SUSD2: variants seen among roughly 807,000 people sequenced by gnomAD.
The protein encoded by SUSD2 is sushi domain containing 2.
Under a neutral mutation model 93.8 loss-of-function variants are expected in SUSD2, and 86 were observed. The ratio of observed to expected loss-of-function variants is 0.92; its 90% confidence interval spans 0.77 to 1.10. The LOEUF is 1.10. Ranked by LOEUF, SUSD2 falls within the 50% of genes least tolerant of loss-of-function variation. The pLI, the probability that SUSD2 is intolerant of heterozygous loss-of-function variation, is 0.00. For missense variants in SUSD2, 1,060 were observed against 1,137.0 expected (o/e 0.93, Z 0.97); for synonymous variants, 483 against 485.0 (o/e 1.00, Z 0.05).
chr22:24,188,678 T>A lies in SUSD2; in HGVS notation c.*242T>A. On this transcript the variant is annotated 3_prime_UTR_variant, in exon 15 of 15. Coordinates refer to ENST00000358321, the MANE Select transcript of SUSD2 (RefSeq NM_019601.4). This position sits in a 1 kb window ranked among gnomAD's most constrained non-coding sequence, Gnocchi z 4.7. Reference sequence around the variant, plus strand: ...ACTCACGGCTCTAATTCCCCAAACCTGAAACTTCATACCCTGGGATTCTAA... The same window carrying A: ...ACTCACGGCTCTAATTCCCCAAACCAGAAACTTCATACCCTGGGATTCTAA... 2 of 532,396 alleles carry A rather than the reference T, an allele frequency of 3.8e-6. No homozygotes were observed. The highest frequency in any genetic ancestry group is 6.7e-6 in the Non-Finnish European group (2 of 296,382). The allele number at this position is 532,396 out of a possible 1,614,324, so 33.0% of individuals were successfully genotyped here.
chr22:24,182,868 A>T, intron 1 of SUSD2, 189 bp from the exon 2 acceptor site: 1 of 600,470 alleles, frequency 1.7e-6, no homozygotes, highest in Middle Eastern at 4.5e-4. Context: ...CTGTGCTAAG[A>T]TTCATCCCAT....
In SUSD2 at chr22:24,183,250, C is replaced by T. The variant is rs149211244; in HGVS notation, c.270C>T (p.Asp90=). The T allele has an allele frequency of 6.6e-5, 106 of 1,613,068 alleles. No individual in the cohort carries two copies. Among genetic ancestry groups the T allele is most frequent in the Middle Eastern group, 1.7e-4 (1 of 5,750 alleles). The stretch of plus-strand genomic sequence containing the variant: ...ACTTCAAGATGTCCAGCCCCACAGA[C>T]GCCAGTGTGATCTGCAGGTTGGGAG... ...VRHFKMSSPT[D]ASVICRFKDS... is the part of the protein sequence containing the mutation. Residue 90 remains aspartate, a synonymous_variant, in exon 2 of 15, where the codon GAC becomes GAT. Transcript: ENST00000358321.
In SUSD2 at chr22:24,183,546, GCACTGTGTGT is replaced by G; in HGVS notation, c.343_352del (p.Cys115LeufsTer37). The G allele has an allele frequency of 6.2e-7, 1 of 1,613,360 alleles. No homozygotes were observed. Among genetic ancestry groups the G allele is most frequent in the Non-Finnish European group, 8.5e-7 (1 of 1,180,000 alleles). Reference sequence around the variant, plus strand: ...GCCATGTGGACTCCTCCGGGCAAGTGCACTGTGTGTCACCTCTGCTCTATGAGAGCGGCCG... The same window carrying G: ...GCCATGTGGACTCCTCCGGGCAAGTGCACCTCTGCTCTATGAGAGCGGCCG... On this transcript the variant is annotated frameshift_variant, in exon 3 of 15. Coordinates refer to ENST00000358321, the MANE Select transcript of SUSD2 (RefSeq NM_019601.4). LOFTEE classifies it high-confidence loss of function.
Position 24,188,341 on chromosome 22 carries a change from G to A in SUSD2, c.2444+14G>A, listed in dbSNP as rs1203967819. On this transcript the variant is annotated intron_variant, in intron 14 of 14. Coordinates refer to ENST00000358321, the MANE Select transcript of SUSD2 (RefSeq NM_019601.4). This position sits in a 1 kb window ranked among gnomAD's most constrained non-coding sequence, Gnocchi z 4.7. ...GAAGGGCAACACGTGAGACCCCCCA[G>A]CCCCTCTCCCAAGACCCCGAGACAG... The A allele has an allele frequency of 1.2e-6, 2 of 1,609,640 alleles. No individual in the cohort carries two copies. The highest frequency in any genetic ancestry group is 4.5e-5 in the East Asian group (2 of 44,838).
rs1340076837 is a variant in SUSD2 at position 24,185,077 on chromosome 22, C to T, written c.783-17C>T. Reference sequence around the variant, plus strand: ...GTGGTGTGGGCTGGCCCAGCTCCAGCATCATCACCTCCACAGGGACGTGCA... The same window carrying T: ...GTGGTGTGGGCTGGCCCAGCTCCAGTATCATCACCTCCACAGGGACGTGCA... On this transcript the variant is annotated splice_polypyrimidine_tract_variant and intron_variant, in intron 5 of 14. Coordinates refer to ENST00000358321, the MANE Select transcript of SUSD2 (RefSeq NM_019601.4). 4.3e-6 allele frequency: 7 copies of T among 1,612,678 alleles called. No individual in the cohort carries two copies. Among genetic ancestry groups the T allele is most frequent in the Non-Finnish European group, 5.9e-6 (7 of 1,179,548 alleles).
At chr22:24,183,808 C>G in intron 3 of SUSD2, 162 bp downstream of exon 3, 1 of 831,388 alleles carries the variant, frequency 1.2e-6, no homozygotes, top group Non-Finnish European at 1.8e-6. Context: ...CCTTTCCACT[C>G]CCTGGCATCC....
In SUSD2 at chr22:24,188,436, A is replaced by T. The variant is rs968101723; in HGVS notation, c.2469A>T (p.Ter823CysextTer36). The T allele has an allele frequency of 1.2e-6, 2 of 1,610,108 alleles. No homozygotes were observed. The highest frequency in any genetic ancestry group is 1.7e-6 in the Non-Finnish European group (2 of 1,179,618). ...GNTHVWGAQP* is the reference protein window; with the variant it reads ...GNTHVWGAQPC ...GGCACGTCTGGGGTGCACAGCCCTG[A>T]TGGGAGCAGCTTGGCTGTGAGCACC... is the stretch of plus-strand genomic sequence containing the variant. The change falls in exon 15 of 15, where the codon TGA (stop) becomes TGT (cysteine). Residue 823 changes from the stop codon to cysteine (C), a stop_lost. Transcript: ENST00000358321. The surrounding 1 kb of genome is among the most constrained non-coding windows in gnomAD (Gnocchi z 4.7).
chr22:24,186,196 G>T (rs200181778), intron 9 of SUSD2, 37 bp downstream of exon 9: 169 of 1,609,320 alleles, frequency 1.1e-4, no homozygotes, highest in Non-Finnish European at 1.4e-4. Context: ...GGTTGGCATG[G>T]GGTAGAACCA....
rs759766766 is a variant in SUSD2 at position 24,187,287 on chromosome 22, G to A, written c.1728G>A (p.Pro576=). ...GAGLEVSVQG[P]FLSVSVLLPE... ...GCCTGGAGGTCAGCGTGCAGGGCCC[G>A]TTCCTGAGTGTGTCCGTCCTGCTGC... Residue 576 remains proline, a synonymous_variant, in exon 11 of 15, where the codon CCG becomes CCA. Transcript: ENST00000358321. The A allele has an allele frequency of 4.3e-6, 7 of 1,613,916 alleles. No individual in the cohort carries two copies. The East Asian group carries it at 1.1e-4, about 26-fold the overall frequency.
In SUSD2 at chr22:24,185,549, T is replaced by C; in HGVS notation, c.1048T>C (p.Cys350Arg). ...VCTYHPGAVH[C>R]VRSVQASLRY... is the part of the protein sequence containing the mutation. ...CACCTACCACCCCGGGGCCGTGCAC[T>C]GTGTGCGTTCTGTGCAGGCCAGGTG... Residue 350 changes from cysteine (C) to arginine (R), a missense_variant, in exon 7 of 15, where the codon TGT becomes CGT. Physicochemically the swap from Cys to Arg is radical, Grantham distance 180. Transcript: ENST00000358321. The C allele has an allele frequency of 2.5e-6, 4 of 1,589,114 alleles. No homozygotes were observed. Among genetic ancestry groups the C allele is most frequent in the Non-Finnish European group, 3.4e-6 (4 of 1,167,970 alleles).
chr22:24,182,697 C>T (rs963992375), intron 1 of SUSD2: 22 of 224,454 alleles, frequency 9.8e-5, no homozygotes, highest in South Asian at 2.6e-4. Context: ...CTCCAGCTAC[C>T]GTGGCCCACT....
At position 24,188,632 on chromosome 22, in the gene SUSD2, G is replaced by A. The variant is rs778132911; in HGVS notation, c.*196G>A. 4.4e-5 allele frequency: 26 copies of A among 586,936 alleles called. No homozygotes were observed. Among genetic ancestry groups the A allele is most frequent in the South Asian group, 2.1e-4 (10 of 47,920 alleles). The allele number at this position is 586,936 out of a possible 1,614,324, so 36.4% of individuals were successfully genotyped here. On this transcript the variant is annotated 3_prime_UTR_variant, in exon 15 of 15. Transcript: ENST00000358321. This position sits in a 1 kb window ranked among gnomAD's most constrained non-coding sequence, Gnocchi z 4.7. ...AACACCCAAGCCCCGTGCTAGCAGC[G>A]CTCCGTGCTCTTCCCCAAATACTCA...
At position 24,188,115 on chromosome 22, in the gene SUSD2, C is replaced by T. The variant is rs2047382935; in HGVS notation, c.2321C>T (p.Pro774Leu). Residue 774 changes from proline (P) to leucine (L), a missense_variant, in exon 13 of 15, where the codon CCC becomes CTC. Transcript: ENST00000358321. This position sits in a 1 kb window ranked among gnomAD's most constrained non-coding sequence, Gnocchi z 4.7. The part of the protein sequence containing the change: ...TCQADGTWSS[P>L]TPKCQPGRSY... ...CAGGCTGACGGCACCTGGTCCTCAC[C>T]CACCCCGAAGTGCCAGCCAGGTGAG... 3.1e-6 allele frequency: 5 copies of T among 1,612,654 alleles called. No homozygotes were observed. Among genetic ancestry groups the T allele is most frequent in the Non-Finnish European group, 3.4e-6 (4 of 1,179,786 alleles).
At chr22:24,184,011 G>A (rs1307541995) in intron 3 of SUSD2, 125 bp from the exon 4 acceptor site, 11 of 949,858 alleles carry the variant, frequency 1.2e-5, no homozygotes, top group Non-Finnish European at 1.8e-5. Flanking sequence ...GCGGGCCAGA[G>A]AGACCATCAC....
At chr22:24,187,075 A>T in intron 10 of SUSD2, 127 bp from the exon 11 acceptor site, 2 of 1,294,830 alleles carry the variant, frequency 1.5e-6, no homozygotes, top group Non-Finnish European at 2.1e-6. Context: ...GGCCCCGGGA[A>T]CGCCCTCCCT....
Position 24,185,839 on chromosome 22 carries a change from T to C in SUSD2, c.1249T>C (p.Tyr417His), listed in dbSNP as rs765334042. Reference protein sequence around the residue: ...SHWLYDVLSFYYCCLWAPDCP... With the variant: ...SHWLYDVLSFHYCCLWAPDCP... The stretch of plus-strand genomic sequence containing the variant: ...CTGGCTCTACGATGTCCTCAGCTTC[T>C]ATTACTGCTGCCTCTGGGCACCCGA... The change falls in exon 8 of 15, where the codon TAT becomes CAT. Residue 417 changes from tyrosine (Y) to histidine (H), a missense_variant. Tyr to His is a moderately conservative substitution (Grantham distance 83). This residue lies in a region of SUSD2 where 973 missense variants were observed against 1,005.3 expected (regional missense o/e 0.97). Transcript: ENST00000358321. The C allele has an allele frequency of 6.2e-6, 10 of 1,606,970 alleles. No homozygotes were observed. The highest frequency in any genetic ancestry group is 6.8e-6 in the Non-Finnish European group (8 of 1,176,830).
chr22:24,187,617 C>T lies in SUSD2; in HGVS notation c.1938C>T (p.Phe646=). 1.2e-6 allele frequency: 2 copies of T among 1,614,004 alleles called. No individual in the cohort carries two copies. Among genetic ancestry groups the T allele is most frequent in the Admixed American group, 3.3e-5 (2 of 60,018 alleles). The change falls in exon 12 of 15, where the codon TTC becomes TTT. Residue 646 remains phenylalanine, a synonymous_variant. Transcript: ENST00000358321. The part of the protein sequence containing the change: ...ASSLLTYDSW[F]LVHNFLYQPK... ...CCCTGCTCACCTACGATTCCTGGTTCCTGGTCCACAACTTCCTGTACCAAC... is the reference window on the plus strand; with the variant it reads ...CCCTGCTCACCTACGATTCCTGGTTTCTGGTCCACAACTTCCTGTACCAAC...
intron 9 of SUSD2, 25 bp downstream of exon 9, chr22:24,186,184 C>G: frequency 1.9e-6 from 3 of 1,607,966 alleles, no homozygotes; most frequent in Non-Finnish European, 2.5e-6. Flanking sequence ...AGGGGCTGCT[C>G]TGGTTGGCAT....
intron 3 of SUSD2, 172 bp downstream of exon 3, chr22:24,183,818 C>G: frequency 1.3e-6 from 1 of 787,714 alleles, no homozygotes; most frequent in Non-Finnish European, 2.0e-6. Context: ...CCCTGGCATC[C>G]AGACCGCGGT....
Sources: allele counts gnomAD v4.1 joint callset, GRCh38; gene constraint gnomAD v4.1.1; regional missense constraint gnomAD v4.1.1; non-coding constraint Gnocchi (gnomAD v3.1); transcripts MANE v1.5; gene names NCBI Gene and HGNC (gene_info 2026-07-23, HGNC 2026-07-21).